CEP104: variants seen among roughly 807,000 people sequenced by gnomAD.
CEP104 encodes the protein centrosomal protein 104.
Under a neutral mutation model 113.3 loss-of-function variants are expected in CEP104, and 84 were observed. The ratio of observed to expected loss-of-function variants is 0.74; its 90% CI spans 0.62 to 0.89. The LOEUF (loss-of-function observed/expected upper bound fraction) is 0.89. Among genes scored for constraint, CEP104 ranks in the 40% least tolerant of loss-of-function variants. The pLI is 0.00. For synonymous variants in CEP104, 378 were observed against 421.7 expected, an observed-to-expected ratio of 0.90 and a Z score of 1.27; for missense variants, 1,053 against 1,156.6, an observed-to-expected ratio of 0.91 and a Z score of 1.30.
intron 6 of CEP104, among the ~76,000 whole-genome samples, chr1:3,842,481 G>A (rs1364014889): frequency 6.6e-6 from 1 of 152,200 alleles, no homozygotes; most frequent in Non-Finnish European, 1.5e-5. Context: ...CCAGGCCTGT[G>A]GGGAGGCGGT....
chr1:3,854,588 C>G (rs1644675951), intron 1 of CEP104, among the ~76,000 whole-genome samples: 1 of 151,330 alleles, frequency 6.6e-6, no homozygotes, highest in Admixed American at 6.6e-5. Flanking sequence ...TGTGGTTCAG[C>G]CTCTCAAGTA....
Position 3,848,733 on chromosome 1 carries a change from A to G in CEP104, c.162T>C (p.Cys54=). 6.2e-7 allele frequency: 1 copy of G among 1,612,662 alleles called. No homozygotes were observed. The highest frequency in any genetic ancestry group is 8.5e-7 in the Non-Finnish European group (1 of 1,179,640). The change falls in exon 3 of 22, where the codon TGT becomes TGC. Residue 54 remains cysteine (C), a synonymous_variant. Transcript: ENST00000378230. The part of the protein sequence containing the change: ...QEIVLQMVER[C]RIRKLQLLAH... ...CAAGTAACTGCAGTTTCCTTATTCG[A>G]CATCTCTCCACCATTTGAAGGACAA...
intron 2 of CEP104, among the ~76,000 whole-genome samples, chr1:3,851,107 G>C (rs1644602807): frequency 6.6e-6 from 1 of 152,096 alleles, no homozygotes; most frequent in Non-Finnish European, 1.5e-5. Flanking sequence ...TGTTAATGCT[G>C]CCTGCATGGG....
At chr1:3,831,293 G>T in intron 12 of CEP104, 71 bp from the exon 13 acceptor site, 2 of 1,350,322 alleles carry the variant, frequency 1.5e-6, no homozygotes, top group Non-Finnish European at 2.1e-6. Flanking sequence ...AATTCAGCAT[G>T]ATCTTAAACT....
At position 3,824,084 on chromosome 1, in the gene CEP104, T is replaced by C. The variant is rs558139796; in HGVS notation, c.2365-522A>G. ...CTTTTCTTCATAAATTACCCAGTCT[T>C]AGGGATATATATATTTTTTGAGATG... is the stretch of plus-strand genomic sequence containing the variant. On this transcript the variant is annotated intron_variant, in intron 18 of 21. Coordinates refer to ENST00000378230, the MANE Select transcript of CEP104 (RefSeq NM_014704.4). Among the ~76,000 whole-genome samples, 13 of 152,268 alleles carry C rather than the reference T, an allele frequency of 8.5e-5. No homozygotes were observed. The East Asian group carries it at 2.3e-3, about 27-fold the overall frequency.
intron 13 of CEP104, among the ~76,000 whole-genome samples, chr1:3,830,612 A>G (rs1334810705): frequency 6.6e-6 from 1 of 151,792 alleles, no homozygotes; most frequent in East Asian, 1.9e-4. Flanking sequence ...TCTCTACTAA[A>G]ATACACGAAA....
chr1:3,829,900 A>G lies in CEP104; in HGVS notation c.1934T>C (p.Leu645Pro). The change falls in exon 14 of 22, where the codon CTG (leucine) becomes CCG (proline). Residue 645 changes from leucine to proline, a missense_variant. Transcript: ENST00000378230. ...DMYRQHQASI[L>P]EYLPPDDSNT... Reference sequence around the variant, plus strand: ...GCTGTCGTCTGGAGGAAGGTACTCCAGGATGGAAGCCTGGTGCTGTCTGTA... The same window carrying G: ...GCTGTCGTCTGGAGGAAGGTACTCCGGGATGGAAGCCTGGTGCTGTCTGTA... 1 of 1,614,194 alleles carries G rather than the reference A, an allele frequency of 6.2e-7. No individual in the cohort carries two copies. The highest frequency in any genetic ancestry group is 8.5e-7 in the Non-Finnish European group (1 of 1,180,026).
At chr1:3,833,068 T>A (rs1644247423) in intron 12 of CEP104, among the ~76,000 whole-genome samples, 1 of 150,342 alleles carries the variant, frequency 6.7e-6, no homozygotes, top group Admixed American at 6.7e-5. Context: ...CACTGAAAAC[T>A]CTGCCTCCCG....
At chr1:3,850,269 G>C (rs896824978) in intron 2 of CEP104, among the ~76,000 whole-genome samples, 1 of 152,164 alleles carries the variant, frequency 6.6e-6, no homozygotes, top group African/African-American at 2.4e-5. Context: ...CTTTATAGAT[G>C]AATCAAAAAT....
At chr1:3,844,392 G>A (rs966096371) in intron 6 of CEP104, among the ~76,000 whole-genome samples, 1 of 152,148 alleles carries the variant, frequency 6.6e-6, no homozygotes, top group African/African-American at 2.4e-5. Flanking sequence ...TGGATCACCT[G>A]AGGTCAGGCT....
intron 12 of CEP104, 76 bp from the exon 13 acceptor site, chr1:3,831,298 T>A: frequency 7.7e-7 from 1 of 1,295,928 alleles, no homozygotes; most frequent in Non-Finnish European, 1.1e-6. Flanking sequence ...AGCATGATCT[T>A]AAACTAAACA....
chr1:3,853,151 A>G (rs1342488407), intron 1 of CEP104, among the ~76,000 whole-genome samples: 1 of 152,260 alleles, frequency 6.6e-6, no homozygotes, highest in Non-Finnish European at 1.5e-5. Context: ...TTAGTTATAC[A>G]ATACCAAGGG....
rs749112535 is a variant in CEP104, at chr1:3,826,708, CCT to C, written c.2186_2187del (p.Gln729ArgfsTer11). The stretch of plus-strand genomic sequence containing the variant: ...TTGTGCACCCCAATTCTTTACATAC[CCT>C]GATTCTTTGGCTTCACAGCATCACT... ...KESDAVKPKNQDIQGGKAAPA... is the reference protein window; with the variant it reads ...KESDAVKPKNXDIQGGKAAPA... On this transcript the variant is annotated frameshift_variant and splice_region_variant, in exon 16 of 22. Coordinates refer to ENST00000378230, the MANE Select transcript of CEP104 (RefSeq NM_014704.4). LOFTEE classifies it high-confidence loss of function. The C allele has an allele frequency of 1.2e-6, 2 of 1,614,120 alleles. No individual in the cohort carries two copies. Among genetic ancestry groups the C allele is most frequent in the Non-Finnish European group, 1.7e-6 (2 of 1,179,992 alleles).
At chr1:3,836,939 T>C in intron 9 of CEP104, 4 of 526,378 alleles carry the variant, frequency 7.6e-6, no homozygotes, top group Middle Eastern at 5.0e-4. Context: ...CAAGGTAGAT[T>C]CCACCTCAAT....
intron 4 of CEP104, 116 bp from the exon 5 acceptor site, chr1:3,845,467 T>C: frequency 1.3e-6 from 1 of 780,760 alleles, no homozygotes; most frequent in Non-Finnish European, 2.1e-6. Flanking sequence ...AGTGCAGTGG[T>C]GTGATCATGG....
intron 1 of CEP104, chr1:3,855,886 G>A (rs1644714353): frequency 1.0e-6 from 1 of 984,972 alleles, no homozygotes; most frequent in African/African-American, 1.7e-5. Flanking sequence ...GAGGCATGAG[G>A]GATCCCTGTT....
At chr1:3,834,143 C>A in intron 11 of CEP104, 108 bp from the exon 12 acceptor site, 2 of 939,658 alleles carry the variant, frequency 2.1e-6, no homozygotes, top group Non-Finnish European at 3.2e-6. Context: ...TCGAAAATGA[C>A]ATCTCGTCTG....
rs141751043 is a variant in CEP104, at chr1:3,839,755, C to T, written c.588G>A (p.Pro196=). 519 of 1,612,194 alleles carry T rather than the reference C, an allele frequency of 3.2e-4. No individual in the cohort carries two copies. The African/African-American group carries it at 5.8e-3, about 18-fold the overall frequency. ...TYARKSDYIS[P]LDDLAFDMYQ... is the part of the protein sequence containing the mutation. ...ACATATCAAAAGCTAAGTCATCTAG[C>T]GGAGAGATATAGTCAGATTTCCTAA... is the stretch of plus-strand genomic sequence containing the variant. Residue 196 remains proline (P), a synonymous_variant, in exon 7 of 22, where the codon CCG becomes CCA. Transcript: ENST00000378230.
At chr1:3,856,080 A>C (rs1029869636) in intron 1 of CEP104, 2 of 378,220 alleles carry the variant, frequency 5.3e-6, no homozygotes, top group African/African-American at 4.4e-5. Context: ...CAAGACTAGG[A>C]AACAAAACTT....
Sources: allele counts gnomAD v4.1 joint callset (sites outside exome capture counted in the v4.1 genomes callset), GRCh38; gene constraint gnomAD v4.1.1; transcripts MANE v1.5; gene names NCBI Gene and HGNC (gene_info 2026-07-23, HGNC 2026-07-21).